The following IL1RAPL1 variants were observed in gnomAD, a reference collection of about 807,000 sequenced individuals.
The protein encoded by IL1RAPL1 is interleukin 1 receptor accessory protein like 1.
IL1RAPL1 carries 3 observed loss-of-function variants against 48.4 expected under a neutral mutation model. The ratio of observed to expected loss-of-function variants is 0.06; its 90% confidence interval spans 0.03 to 0.16. The LOEUF is 0.16. IL1RAPL1 is among the 10% of genes least tolerant of loss of function. The pLI, the probability that IL1RAPL1 is intolerant of heterozygous loss-of-function variation, is 1.00. For missense variants in IL1RAPL1, 349 were observed against 530.6 expected, an observed-to-expected ratio of 0.66 and a Z score of 3.36; for synonymous variants, 185 against 187.7, an observed-to-expected ratio of 0.99 and a Z score of 0.12.
chrX:28,791,542 C>G (rs1041025555), intron 2 of IL1RAPL1, among the ~76,000 whole-genome samples: 3 of 111,861 alleles, frequency 2.7e-5, no homozygotes, highest in Admixed American at 1.9e-4. Context: ...AGACCTTTCT[C>G]TCTTCAGTTT....
chrX:28,876,575 G>T (rs1922378602), intron 2 of IL1RAPL1, among the ~76,000 whole-genome samples: 2 of 111,507 alleles, frequency 1.8e-5, no homozygotes, highest in Admixed American at 9.5e-5. Flanking sequence ...ACCCTAACTT[G>T]ATTCCCTCCA....
At chrX:28,964,707 T>G (rs957524524) in intron 2 of IL1RAPL1, among the ~76,000 whole-genome samples, 1 of 111,874 alleles carries the variant, frequency 8.9e-6, no homozygotes, top group African/African-American at 3.2e-5. Context: ...TTTATTTTTC[T>G]TTCTGGATTT....
At chrX:29,877,508 A>G (rs1931933068) in intron 6 of IL1RAPL1, among the ~76,000 whole-genome samples, 1 of 112,256 alleles carries the variant, frequency 8.9e-6, no homozygotes, top group Non-Finnish European at 1.9e-5. Context: ...TTTAATCACT[A>G]CATTTTCAAA....
intron 5 of IL1RAPL1, among the ~76,000 whole-genome samples, chrX:29,563,703 T>A (rs1434892735): frequency 1.8e-5 from 2 of 112,221 alleles, no homozygotes; most frequent in East Asian, 5.6e-4. Context: ...CTTGGCTATT[T>A]GTTTTAATCA....
chrX:29,400,653 T>C (rs184585750), intron 5 of IL1RAPL1, among the ~76,000 whole-genome samples: 57 of 112,185 alleles, frequency 5.1e-4, no homozygotes, highest in African/African-American at 1.7e-3. Flanking sequence ...TAAAATTAGT[T>C]TTCCCTGTAT....
chrX:29,778,770 G>C (rs963228827), intron 6 of IL1RAPL1, among the ~76,000 whole-genome samples: 4 of 111,876 alleles, frequency 3.6e-5, no homozygotes, highest in African/African-American at 1.3e-4. Context: ...ACTGAGATGT[G>C]GTTCAGCCAG....
intron 6 of IL1RAPL1, among the ~76,000 whole-genome samples, chrX:29,694,572 C>G (rs1926859573): frequency 1.8e-5 from 2 of 111,389 alleles, no homozygotes; most frequent in South Asian, 7.6e-4. Context: ...TCCCACAGTC[C>G]TGGATGCTAG....
At position 29,607,651 on chromosome X, in the gene IL1RAPL1, A is replaced by C. The variant is rs1033192913; in HGVS notation, c.704-60779A>C. 1.3e-4 allele frequency among the ~76,000 whole-genome samples: 14 copies of C among 111,285 alleles called. No individual in the cohort carries two copies. In the South Asian group the frequency reaches 1.5e-3, roughly 12 times the overall value. Reference sequence around the variant, plus strand: ...TTCATGGGACACTTCTCTGGGACTTAATGATTCCACACTCTTTCTCTTTTT... The same window carrying C: ...TTCATGGGACACTTCTCTGGGACTTCATGATTCCACACTCTTTCTCTTTTT... On this transcript the variant is annotated intron_variant, in intron 5 of 10. Coordinates refer to ENST00000378993, the MANE Select transcript of IL1RAPL1 (RefSeq NM_014271.4).
At chrX:28,985,720 C>T (rs1016550071) in intron 2 of IL1RAPL1, among the ~76,000 whole-genome samples, 21 of 98,284 alleles carry the variant, frequency 2.1e-4, no homozygotes, top group African/African-American at 5.5e-4. Flanking sequence ...AGTGCATTGG[C>T]GCGATCTCGG....
chrX:28,704,466 A>C (rs1283941117), intron 1 of IL1RAPL1, among the ~76,000 whole-genome samples: 4 of 106,529 alleles, frequency 3.8e-5, no homozygotes, highest in Admixed American at 3.1e-4. Context: ...GCATGCACAC[A>C]CACCCACAGT....
intron 5 of IL1RAPL1, among the ~76,000 whole-genome samples, chrX:29,408,010 C>G (rs1934096455): frequency 9.0e-6 from 1 of 111,644 alleles, no homozygotes; most frequent in African/African-American, 3.3e-5. Context: ...CCTAGGATTC[C>G]TTGCACTAAA....
chrX:28,728,613 C>T (rs1335028679), intron 1 of IL1RAPL1, among the ~76,000 whole-genome samples: 1 of 111,891 alleles, frequency 8.9e-6, no homozygotes, highest in Admixed American at 9.5e-5. Context: ...AACCTCAAAG[C>T]ACATAAAGGA....
intron 6 of IL1RAPL1, among the ~76,000 whole-genome samples, chrX:29,885,039 TC>T (rs35751633): frequency 0.089 from 9,842 of 110,845 alleles, 1,053 homozygotes; most frequent in African/African-American, 0.29. Context: ...GAATTCTTCA[TC>T]CCCCCGTCTT....
chrX:28,735,167 A>G (rs1011629607), intron 1 of IL1RAPL1, among the ~76,000 whole-genome samples: 2 of 111,729 alleles, frequency 1.8e-5, no homozygotes, highest in African/African-American at 6.5e-5. Context: ...TTTTCTTACT[A>G]TACAATTTAG....
intron 5 of IL1RAPL1, among the ~76,000 whole-genome samples, chrX:29,565,588 G>T (rs973301410): frequency 8.9e-6 from 1 of 111,905 alleles, no homozygotes; most frequent in Non-Finnish European, 1.9e-5. Flanking sequence ...AAATATATAT[G>T]TACTATTTTC....
At chrX:28,879,578 T>A (rs999298997) in intron 2 of IL1RAPL1, among the ~76,000 whole-genome samples, 1 of 111,826 alleles carries the variant, frequency 8.9e-6, no homozygotes, top group African/African-American at 3.2e-5. Context: ...TAATGTGGAA[T>A]AGATGATTGC....
chrX:29,595,786 G>T (rs1249667084), intron 5 of IL1RAPL1, among the ~76,000 whole-genome samples: 3 of 111,307 alleles, frequency 2.7e-5, no homozygotes, highest in African/African-American at 9.8e-5. Context: ...TTGCTTTTGG[G>T]TTCTTGGTCA....
chrX:29,292,236 A>G (rs935007771), intron 3 of IL1RAPL1, among the ~76,000 whole-genome samples: 1 of 112,147 alleles, frequency 8.9e-6, no homozygotes, highest in Non-Finnish European at 1.9e-5. Context: ...ATTTTCCATA[A>G]GAAAATAAAA....
chrX:29,283,503 A>G (rs2147600221), intron 3 of IL1RAPL1, among the ~76,000 whole-genome samples: 1 of 112,658 alleles, frequency 8.9e-6, no homozygotes, highest in African/African-American at 3.2e-5. Context: ...AAAATGGTGC[A>G]AATAAAATGT....
Sources: gnomAD v4.1 joint callset for allele counts (sites outside exome capture counted in the v4.1 genomes callset) on GRCh38, gnomAD v4.1.1 for gene constraint, MANE v1.5 for transcripts, NCBI Gene and HGNC (gene_info 2026-07-23, HGNC 2026-07-21) for gene names.